The following TRAF3IP2 variants were observed in gnomAD, a reference collection of about 807,000 sequenced individuals.
The protein encoded by TRAF3IP2 is TRAF3 interacting protein 2, also known as E3 ubiquitin ligase TRAF3IP2.
Under a neutral mutation model 57.9 loss-of-function variants are expected in TRAF3IP2, and 35 were observed. That is an observed-to-expected ratio of 0.60 (90% CI 0.46 to 0.80). The LOEUF (loss-of-function observed/expected upper bound fraction) is 0.80. Among genes scored for constraint, TRAF3IP2 ranks in the 30% least tolerant of loss-of-function variants. The probability of loss-of-function intolerance (pLI) is 0.00; values close to 1 mark genes in which losing one functional copy is unlikely to be tolerated. For synonymous variants in TRAF3IP2, 251 were observed against 268.9 expected (o/e 0.93, Z 0.65); for missense variants, 556 against 706.4 (o/e 0.79, Z 2.41).
chr6:111,583,539 G>A (rs1256538462), intron 2 of TRAF3IP2, among the ~76,000 whole-genome samples: 1 of 152,168 alleles, frequency 6.6e-6, no homozygotes, highest in South Asian at 2.1e-4. Flanking sequence ...GCACATGAGG[G>A]ATCTAGGCTG....
At chr6:111,601,801 C>G (rs1562439655) in intron 1 of TRAF3IP2, 1 of 152,152 alleles carries the variant, frequency 6.6e-6, no homozygotes. Context: ...ATTCCCAAGG[C>G]CTTACTTCAT....
chr6:111,565,671 A>C (rs1583215982), intron 7 of TRAF3IP2, among the ~76,000 whole-genome samples: 1 of 152,270 alleles, frequency 6.6e-6, no homozygotes, highest in South Asian at 2.1e-4. Context: ...AGCCCATAAA[A>C]CAGCCAGTTC....
intron 5 of TRAF3IP2, among the ~76,000 whole-genome samples, chr6:111,568,158 G>T (rs1395430463): frequency 6.6e-6 from 1 of 152,158 alleles, no homozygotes; most frequent in Non-Finnish European, 1.5e-5. Flanking sequence ...CATTATTATG[G>T]TATTATGTAC....
chr6:111,585,407 C>T (rs1796296993), intron 2 of TRAF3IP2, among the ~76,000 whole-genome samples: 1 of 151,822 alleles, frequency 6.6e-6, no homozygotes, highest in Non-Finnish European at 1.5e-5. Flanking sequence ...TCACTCCTTT[C>T]CCCAGGAAGT....
chr6:111,562,844 C>CAAAAAAA, intron 8 of TRAF3IP2, 121 bp downstream of exon 8: 1 of 599,072 alleles, frequency 1.7e-6, no homozygotes, highest in Non-Finnish European at 2.5e-6. Flanking sequence ...GACTCCATCT[C>CAAAAAAA]AAAAAAAAAA....
At position 111,567,738 on chromosome 6, in the gene TRAF3IP2, C is replaced by T. The variant is rs753525936; in HGVS notation, c.1291-46G>A. ...GAGTTGGCCCTTAATGAGAGGTTCT[C>T]TCAAGATGCAGAGCAGAAGAAAACA... On this transcript the variant is annotated intron_variant, in intron 5 of 8. Transcript: ENST00000368761. The T allele has an allele frequency of 3.3e-6, 5 of 1,507,448 alleles. No homozygotes were observed. The Admixed American group carries it at 5.7e-5, about 17-fold the overall frequency. 93.4% of individuals were successfully genotyped at this position (1,507,448 alleles called of 1,614,324 possible). A position where few individuals can be genotyped will look rare whatever the true frequency, so the allele number is the denominator to read the frequency against.
chr6:111,561,983 A>G (rs1177676729), intron 8 of TRAF3IP2, among the ~76,000 whole-genome samples: 3 of 152,178 alleles, frequency 2.0e-5, no homozygotes, highest in Non-Finnish European at 4.4e-5. Context: ...CCGTTCCCAT[A>G]AACTGGAGCC....
intron 1 of TRAF3IP2, chr6:111,601,024 G>A (rs2128386136): frequency 1.9e-6 from 1 of 533,518 alleles, no homozygotes; most frequent in Non-Finnish European, 3.4e-6. Flanking sequence ...CTATTAAGTA[G>A]CAGAGCTGTG....
In TRAF3IP2 at chr6:111,578,692, T is replaced by C. The variant is rs542828584; in HGVS notation, c.1022+1505A>G. On this transcript the variant is annotated intron_variant, in intron 3 of 8. Transcript: ENST00000368761. Reference sequence around the variant, plus strand: ...TCTGTCTTGAAAGAAAATATGAGGGTTTGTGGGCTTCTGAGCAAAAGAGAA... The same window carrying C: ...TCTGTCTTGAAAGAAAATATGAGGGCTTGTGGGCTTCTGAGCAAAAGAGAA... 2.0e-3 allele frequency among the ~76,000 whole-genome samples: 306 copies of C among 152,092 alleles called. 12 individuals carry two copies. In the South Asian group the frequency reaches 0.06, roughly 30 times the overall value.
intron 1 of TRAF3IP2, among the ~76,000 whole-genome samples, chr6:111,599,529 C>T (rs1370178738): frequency 1.3e-5 from 2 of 152,212 alleles, no homozygotes; most frequent in African/African-American, 4.8e-5. Context: ...TTCACCCTCT[C>T]TCTTTTTTAA....
intron 2 of TRAF3IP2, among the ~76,000 whole-genome samples, chr6:111,589,608 A>G (rs1249180908): frequency 1.3e-5 from 2 of 151,860 alleles, no homozygotes; most frequent in Non-Finnish European, 2.9e-5. Flanking sequence ...GCATTTATAC[A>G]CCACGTCCCA....
At chr6:111,601,445 G>C in intron 1 of TRAF3IP2, 4 of 431,506 alleles carry the variant, frequency 9.3e-6, no homozygotes, top group Non-Finnish European at 1.7e-5. Context: ...TGCATCTAGA[G>C]GGGAGCTATC....
chr6:111,603,712 G>A (rs1441225458), intron 1 of TRAF3IP2, among the ~76,000 whole-genome samples: 1 of 152,142 alleles, frequency 6.6e-6, no homozygotes, highest in Non-Finnish European at 1.5e-5. Flanking sequence ...TTAATCCCAG[G>A]AGAAGCAGGC....
Position 111,560,500 on chromosome 6 carries a change from T to C in TRAF3IP2, c.1552-949A>G, listed in dbSNP as rs558259672. On this transcript the variant is annotated intron_variant, in intron 8 of 8. Transcript: ENST00000368761. ...TAGGACGGGACTTCTCTAGGTATTG[T>C]GCTTAGAAGCAGCACCTGCTGCATG... Among the ~76,000 whole-genome samples, 13 of 152,336 alleles carry C rather than the reference T, an allele frequency of 8.5e-5. 1 individual carries two copies. In the South Asian group the frequency reaches 2.7e-3, roughly 32 times the overall value.
rs567189077 is a variant in TRAF3IP2 at position 111,564,514 on chromosome 6, A to C, written c.1477-1475T>G. On this transcript the variant is annotated intron_variant, in intron 7 of 8. Transcript: ENST00000368761. ...CCAGAAACTGAGTTTCTGTAAACTA[A>C]TTCACTGTATGATGCAGTTACTCAT... Among the ~76,000 whole-genome samples, 5 of 152,226 alleles carry C rather than the reference A, an allele frequency of 3.3e-5. No individual in the cohort carries two copies. The South Asian group carries it at 1.0e-3, about 32-fold the overall frequency.
At chr6:111,599,488 CTTGGTG>C (rs2128385742) in intron 1 of TRAF3IP2, among the ~76,000 whole-genome samples, 1 of 152,270 alleles carries the variant, frequency 6.6e-6, no homozygotes, top group Admixed American at 6.5e-5. Flanking sequence ...ACAATGCTCC[CTTGGTG>C]TCCCAGTGAC....
At chr6:111,580,543 C>T (rs1443026745) in intron 2 of TRAF3IP2, among the ~76,000 whole-genome samples, 154 bp from the exon 3 acceptor site, 1 of 152,188 alleles carries the variant, frequency 6.6e-6, no homozygotes, top group African/African-American at 2.4e-5. Context: ...TATTTCTCTA[C>T]TGTTAATTAC....
At chr6:111,587,706 A>G (rs964220835) in intron 2 of TRAF3IP2, among the ~76,000 whole-genome samples, 8 of 152,180 alleles carry the variant, frequency 5.3e-5, no homozygotes, top group Non-Finnish European at 1.0e-4. Flanking sequence ...GTTTTTAAAA[A>G]ATAAACATGG....
intron 2 of TRAF3IP2, among the ~76,000 whole-genome samples, chr6:111,583,279 C>A (rs1166656948): frequency 2.0e-5 from 3 of 152,224 alleles, no homozygotes; most frequent in Non-Finnish European, 2.9e-5. Flanking sequence ...TAGGACTGCA[C>A]AATCTATTAA....
Sources: allele counts gnomAD v4.1 joint callset (sites outside exome capture counted in the v4.1 genomes callset), GRCh38; gene constraint gnomAD v4.1.1; transcripts MANE v1.5; gene names NCBI Gene and HGNC (gene_info 2026-07-23, HGNC 2026-07-21).